Variants in SLC24A2 observed in about 807,000 individuals in gnomAD.
The protein encoded by SLC24A2 is sodium/potassium/calcium exchanger 2.
Under a neutral mutation model 62.0 loss-of-function variants are expected in SLC24A2, and 36 were observed. The ratio of observed to expected loss-of-function variants is 0.58; its 90% CI spans 0.44 to 0.77. The LOEUF (loss-of-function observed/expected upper bound fraction) is 0.77. Among genes scored for constraint, SLC24A2 ranks in the 30% least tolerant of loss-of-function variants. The pLI is 0.00. For missense variants in SLC24A2, 846 were observed against 817.9 expected, an observed-to-expected ratio of 1.03 and a Z score of -0.42; for synonymous variants, 358 against 294.0, an observed-to-expected ratio of 1.22 and a Z score of -2.23.
intron 2 of SLC24A2, among the ~76,000 whole-genome samples, chr9:19,660,495 G>A (rs1819064630): frequency 6.6e-6 from 1 of 152,152 alleles, no homozygotes; most frequent in African/African-American, 2.4e-5. Context: ...ATATAGGAGG[G>A]AGGGCAAGAA....
the SLC24A2 span, among the ~76,000 whole-genome samples, chr9:19,858,945 C>A: frequency 1.0e-3 from 155 of 152,194 alleles, 1 homozygote; most frequent in African/African-American, 3.2e-3. Flanking sequence ...TGTGGCAATT[C>A]CTTAAAGAAA....
the SLC24A2 span, among the ~76,000 whole-genome samples, chr9:20,095,865 A>G: frequency 6.6e-6 from 1 of 152,182 alleles, no homozygotes; most frequent in Admixed American, 6.5e-5. Context: ...CAGACAAAAG[A>G]GAATTGAGAA....
the SLC24A2 span, among the ~76,000 whole-genome samples, chr9:19,884,537 G>C: frequency 2.0e-5 from 3 of 152,162 alleles, no homozygotes; most frequent in Admixed American, 2.0e-4. Context: ...AGTTGGAAGT[G>C]AATAAAGTGC....
rs139901121 is a variant in SLC24A2, at chr9:19,785,969, C to T, written c.898G>A (p.Val300Ile). The change falls in exon 2 of 11, where the codon GTC (valine) becomes ATC (isoleucine). Residue 300 changes from valine to isoleucine, a missense_variant. Coordinates refer to ENST00000341998, the MANE Select transcript of SLC24A2 (RefSeq NM_020344.4). ...TGGGCTTCTGGTGCTGTCACCTTGA[C>T]GACCTTATTGCGGTTTATCATTTGC... ...VKQMINRNKV[V>I]KVTAPEAQAK... 4.6e-5 allele frequency: 74 copies of T among 1,614,092 alleles called. No homozygotes were observed. The highest frequency in any genetic ancestry group is 1.6e-4 in the Middle Eastern group (1 of 6,084).
At chr9:20,138,284 G>C in the SLC24A2 span, among the ~76,000 whole-genome samples, 3 of 152,142 alleles carry the variant, frequency 2.0e-5, no homozygotes, top group South Asian at 6.2e-4. Context: ...AATGTGCTTT[G>C]TCATTTGATT....
chr9:20,065,214 G>A, the SLC24A2 span, among the ~76,000 whole-genome samples: 1 of 152,196 alleles, frequency 6.6e-6, no homozygotes, highest in African/African-American at 2.4e-5. Context: ...CTGCCAAACC[G>A]AGTGGCCCCA....
At chr9:20,102,423 C>G in the SLC24A2 span, among the ~76,000 whole-genome samples, 2 of 145,096 alleles carry the variant, frequency 1.4e-5, no homozygotes, top group African/African-American at 5.1e-5. Context: ...GTTCCCACTC[C>G]TAAGTGGGAG....
At chr9:20,026,735 T>C in the SLC24A2 span, among the ~76,000 whole-genome samples, 40 of 152,056 alleles carry the variant, frequency 2.6e-4, no homozygotes, top group African/African-American at 8.2e-4. Context: ...GAAGAAAACA[T>C]AGGGGAAAAG....
chr9:19,567,872 T>C (rs1023538329), intron 7 of SLC24A2, among the ~76,000 whole-genome samples: 3 of 152,172 alleles, frequency 2.0e-5, no homozygotes, highest in African/African-American at 7.2e-5. Flanking sequence ...AAGCAAAAAC[T>C]TCATTCCTCT....
intron 8 of SLC24A2, among the ~76,000 whole-genome samples, chr9:19,545,656 T>C (rs1433160156): frequency 1.3e-5 from 2 of 152,008 alleles, no homozygotes; most frequent in African/African-American, 4.8e-5. Context: ...CTTTTTTTTT[T>C]GTGACAGAGT....
chr9:20,246,818 C>A, the SLC24A2 span, among the ~76,000 whole-genome samples: 3 of 152,214 alleles, frequency 2.0e-5, no homozygotes, highest in Admixed American at 2.0e-4. Flanking sequence ...CTGACAGGAG[C>A]ACCCATGAGG....
chr9:19,550,472 A>G (rs1834790205), intron 7 of SLC24A2, among the ~76,000 whole-genome samples: 1 of 152,202 alleles, frequency 6.6e-6, no homozygotes, highest in South Asian at 2.1e-4. Flanking sequence ...ATGAGCATGT[A>G]AGAATTTTCT....
chr9:20,236,653 G>A, the SLC24A2 span, among the ~76,000 whole-genome samples: 17 of 152,186 alleles, frequency 1.1e-4, no homozygotes, highest in Non-Finnish European at 2.5e-4. Context: ...TTACAGTCAT[G>A]TACTCAGAAA....
At chr9:19,526,367 G>T (rs1222417508) in intron 9 of SLC24A2, among the ~76,000 whole-genome samples, 1 of 152,154 alleles carries the variant, frequency 6.6e-6, no homozygotes, top group Non-Finnish European at 1.5e-5. Context: ...CCTATTCCTA[G>T]GAGTGGAATT....
intron 2 of SLC24A2, among the ~76,000 whole-genome samples, chr9:19,669,868 A>T (rs76663357): frequency 0.025 from 3,802 of 152,310 alleles, 92 homozygotes; most frequent in East Asian, 0.092. Context: ...GTAACATAAA[A>T]TATTCACAGG....
At chr9:19,915,766 A>C in the SLC24A2 span, among the ~76,000 whole-genome samples, 2 of 151,984 alleles carry the variant, frequency 1.3e-5, no homozygotes, top group African/African-American at 2.4e-5. Flanking sequence ...TTCTTTGTCC[A>C]TCTTTTAATT....
chr9:19,854,532 C>T, the SLC24A2 span, among the ~76,000 whole-genome samples: 4 of 152,172 alleles, frequency 2.6e-5, no homozygotes, highest in Non-Finnish European at 5.9e-5. Flanking sequence ...TTCTTGATTT[C>T]TGCCTTAATT....
At chr9:19,611,180 G>A (rs1054667468) in intron 4 of SLC24A2, among the ~76,000 whole-genome samples, 7 of 152,278 alleles carry the variant, frequency 4.6e-5, no homozygotes, top group Non-Finnish European at 1.0e-4. Flanking sequence ...GAAAAAGGGG[G>A]AACATGTGTA....
chr9:19,845,463 A>C, the SLC24A2 span, among the ~76,000 whole-genome samples: 1 of 152,116 alleles, frequency 6.6e-6, no homozygotes, highest in Non-Finnish European at 1.5e-5. Context: ...ATCAGTGAAG[A>C]GAGATAGTTT....
Sources: allele counts gnomAD v4.1 joint callset (sites outside exome capture counted in the v4.1 genomes callset), GRCh38; gene constraint gnomAD v4.1.1; transcripts MANE v1.5; gene names NCBI Gene and HGNC (gene_info 2026-07-23, HGNC 2026-07-21).